ADAD1: variants seen among roughly 807,000 people sequenced by gnomAD.
ADAD1 encodes adenosine deaminase domain-containing protein 1.
A neutral mutation model predicts 66.8 loss-of-function variants in ADAD1; 46 were observed. The ratio of observed to expected loss-of-function variants is 0.69; its 90% CI spans 0.54 to 0.88. ADAD1 has a LOEUF of 0.88. ADAD1 is among the 40% of genes least tolerant of loss of function. The pLI is 0.00. For missense variants in ADAD1, 617 were observed against 681.8 expected (o/e 0.91, Z 1.06); for synonymous variants, 248 against 229.4 (o/e 1.08, Z -0.73).
intron 6 of ADAD1, 109 bp from the exon 7 acceptor site, chr4:122,396,143 A>T: frequency 2.1e-6 from 2 of 932,580 alleles, no homozygotes; most frequent in Non-Finnish European, 2.9e-6. Flanking sequence ...TTGCTTACAG[A>T]TGTCTATATA....
chr4:122,418,942 A>T (rs1158715839), intron 11 of ADAD1, among the ~76,000 whole-genome samples: 4 of 152,230 alleles, frequency 2.6e-5, no homozygotes, highest in Admixed American at 6.5e-5. Flanking sequence ...AGTGTAAATT[A>T]GTTCAACCGT....
At position 122,411,207 on chromosome 4, in the gene ADAD1, T is replaced by C; in HGVS notation, c.849-15T>C. Reference sequence around the variant, plus strand: ...TAAAGTTTATTACTTGACAAAATTATAACATTTATTTTAGGTACTTTTATA... The same window carrying C: ...TAAAGTTTATTACTTGACAAAATTACAACATTTATTTTAGGTACTTTTATA... On this transcript the variant is annotated splice_polypyrimidine_tract_variant and intron_variant, in intron 8 of 12. Coordinates refer to ENST00000296513, the MANE Select transcript of ADAD1 (RefSeq NM_139243.4). 6.4e-7 allele frequency: 1 copy of C among 1,564,472 alleles called. No homozygotes were observed. The highest frequency in any genetic ancestry group is 8.7e-7 in the Non-Finnish European group (1 of 1,155,886).
chr4:122,414,430 T>G (rs1055469404), intron 10 of ADAD1, among the ~76,000 whole-genome samples: 3 of 152,008 alleles, frequency 2.0e-5, no homozygotes, highest in Non-Finnish European at 4.4e-5. Context: ...CCCAAGTATA[T>G]TTTTATTTGA....
In ADAD1 at chr4:122,421,486, A is replaced by G. The variant is rs1796999961; in HGVS notation, c.1617+96A>G. 29 of 1,154,918 alleles carry G rather than the reference A, an allele frequency of 2.5e-5. No homozygotes were observed. In the South Asian group the frequency reaches 6.6e-4, roughly 26 times the overall value. The allele number at this position is 1,154,918 out of a possible 1,614,324, so 71.5% of individuals were successfully genotyped here. ...GTTATCCTTAGCAAAAGTTTGTTGA[A>G]TACTTCCTGAATATAAGATATTACC... On this transcript the variant is annotated intron_variant, in intron 12 of 12. Transcript: ENST00000296513.
At chr4:122,389,444 T>C (rs1795333728) in intron 5 of ADAD1, among the ~76,000 whole-genome samples, 1 of 152,188 alleles carries the variant, frequency 6.6e-6, no homozygotes, top group African/African-American at 2.4e-5. Flanking sequence ...GATCTAATAC[T>C]GACAGTGTGG....
intron 6 of ADAD1, among the ~76,000 whole-genome samples, chr4:122,395,673 A>AT: frequency 6.6e-6 from 1 of 152,188 alleles, no homozygotes; most frequent in South Asian, 2.1e-4. Flanking sequence ...TCAAAAAAAA[A>AT]AAAAGGATCC....
At chr4:122,387,068 T>G (rs1795205770) in intron 5 of ADAD1, among the ~76,000 whole-genome samples, 1 of 152,228 alleles carries the variant, frequency 6.6e-6, no homozygotes, top group Non-Finnish European at 1.5e-5. Context: ...TCTAATTCTG[T>G]GAAGAATGTC....
In ADAD1 at chr4:122,429,726, A is replaced by C. The variant is rs1216939686; in HGVS notation, c.1718A>C (p.Gln573Pro). Residue 573 changes from glutamine (Q) to proline (P), a missense_variant, in exon 13 of 13, where the codon CAA (glutamine) becomes CCA (proline). Transcript: ENST00000296513. The stretch of plus-strand genomic sequence containing the variant: ...ATTGTGAAATCTCCCTGCATAGAGC[A>C]ATTTAACATGTGAAATAGGCAATCC... ...SWIVKSPCIE[Q>P]FNM 2 of 1,604,520 alleles carry C rather than the reference A, an allele frequency of 1.2e-6. No individual in the cohort carries two copies. Among genetic ancestry groups the C allele is most frequent in the Non-Finnish European group, 1.7e-6 (2 of 1,173,068 alleles).
rs1021702773 is a variant in ADAD1 at position 122,379,767 on chromosome 4, A to G, written c.-8-295A>G. On this transcript the variant is annotated intron_variant, in intron 2 of 12. Transcript: ENST00000296513. ...TTTTTTCTTTTTTCCTGACCTTGCT[A>G]ATATCTTCCCTAACTCCTGAGTAGT... 6 of 240,442 alleles carry G rather than the reference A, an allele frequency of 2.5e-5. No individual in the cohort carries two copies. In the South Asian group the frequency reaches 4.1e-4, roughly 16 times the overall value. The allele number at this position is 240,442 out of a possible 1,614,324, so 14.9% of individuals were successfully genotyped here. A position where few individuals can be genotyped will look rare whatever the true frequency, so the allele number is the denominator to read the frequency against.
At chr4:122,414,247 T>C (rs1252717500) in intron 10 of ADAD1, among the ~76,000 whole-genome samples, 1 of 137,436 alleles carries the variant, frequency 7.3e-6, no homozygotes, top group Non-Finnish European at 1.6e-5. Flanking sequence ...GTTTTTTTTT[T>C]CTTCCTTTTT....
chr4:122,383,368 G>T (rs543736125), intron 4 of ADAD1, among the ~76,000 whole-genome samples: 245 of 152,148 alleles, frequency 1.6e-3, no homozygotes, highest in African/African-American at 5.8e-3. Flanking sequence ...AAGGGGTGGG[G>T]GAAATTCAGC....
intron 7 of ADAD1, among the ~76,000 whole-genome samples, chr4:122,397,495 G>T (rs1373971776): frequency 2.6e-5 from 4 of 152,146 alleles, no homozygotes; most frequent in African/African-American, 9.7e-5. Flanking sequence ...GTCAATATTA[G>T]TACTTGGCAT....
At chr4:122,421,623 T>C (rs1229701253) in intron 12 of ADAD1, among the ~76,000 whole-genome samples, 2 of 152,150 alleles carry the variant, frequency 1.3e-5, no homozygotes, top group Non-Finnish European at 2.9e-5. Context: ...TTTGACAGTG[T>C]AGGTTACATA....
In ADAD1 at chr4:122,381,179, A is replaced by G. The variant is rs777963845; in HGVS notation, c.360A>G (p.Thr120=). ...TTGACCTTAAGGAAACTGTGACAAC[A>G]GGCAAGTGTAAAATTGTATTTGTCT... The part of the protein sequence containing the change: ...VQLDLKETVT[T]GNVMGPYFAF... Residue 120 remains threonine, a splice_region_variant and synonymous_variant, in exon 4 of 13, where the codon ACA becomes ACG. Transcript: ENST00000296513. The G allele has an allele frequency of 1.5e-5, 24 of 1,550,684 alleles. No homozygotes were observed. Among genetic ancestry groups the G allele is most frequent in the Non-Finnish European group, 1.9e-5 (22 of 1,160,346 alleles).
intron 5 of ADAD1, among the ~76,000 whole-genome samples, chr4:122,385,489 T>C (rs1184307781): frequency 6.6e-6 from 1 of 152,262 alleles, no homozygotes; most frequent in East Asian, 1.9e-4. Flanking sequence ...GCCAGGCTGG[T>C]CTTGAACTCC....
chr4:122,399,721 A>G (rs1354631478), intron 7 of ADAD1, among the ~76,000 whole-genome samples: 2 of 139,440 alleles, frequency 1.4e-5, no homozygotes, highest in Non-Finnish European at 3.1e-5. Flanking sequence ...TTGGTTAGGT[A>G]TATTCCTAAT....
chr4:122,388,114 A>C (rs140500599), intron 5 of ADAD1, among the ~76,000 whole-genome samples: 2 of 152,284 alleles, frequency 1.3e-5, no homozygotes, highest in African/African-American at 2.4e-5. Flanking sequence ...TTCTGCATAT[A>C]TTAAGATAGT....
intron 9 of ADAD1, among the ~76,000 whole-genome samples, chr4:122,411,800 A>G (rs1349988543): frequency 1.3e-5 from 2 of 152,180 alleles, no homozygotes; most frequent in African/African-American, 4.8e-5. Flanking sequence ...TAGATAAGCA[A>G]CACTCAACCT....
chr4:122,385,703 C>G (rs908629868), intron 5 of ADAD1, among the ~76,000 whole-genome samples: 2 of 152,128 alleles, frequency 1.3e-5, no homozygotes, highest in South Asian at 2.1e-4. Context: ...CAACTCCCAC[C>G]CCCTAAAAGG....
Sources: allele counts gnomAD v4.1 joint callset (sites outside exome capture counted in the v4.1 genomes callset), GRCh38; gene constraint gnomAD v4.1.1; transcripts MANE v1.5; gene names NCBI Gene and HGNC (gene_info 2026-07-23, HGNC 2026-07-21).